PRTFDC1: variants seen among roughly 807,000 people sequenced by gnomAD.
PRTFDC1 encodes phosphoribosyltransferase domain-containing protein 1.
Under a neutral mutation model 34.6 loss-of-function variants are expected in PRTFDC1, and 38 were observed. The observed-to-expected ratio is 1.10, with a 90% confidence interval of 0.85 to 1.44. PRTFDC1 has a LOEUF of 1.44. PRTFDC1 is among the 40% of genes most tolerant of loss of function. PRTFDC1 has a pLI of 0.00. For missense variants in PRTFDC1, 270 were observed against 283.0 expected, an observed-to-expected ratio of 0.95 and a Z score of 0.33; for synonymous variants, 93 against 98.1, an observed-to-expected ratio of 0.95 and a Z score of 0.31.
intron 3 of PRTFDC1, among the ~76,000 whole-genome samples, chr10:24,920,346 G>A (rs1241274410): frequency 6.6e-6 from 1 of 151,884 alleles, no homozygotes; most frequent in Admixed American, 6.6e-5. Context: ...GGAATACTAT[G>A]CAGCCATCAA....
intron 3 of PRTFDC1, among the ~76,000 whole-genome samples, chr10:24,875,243 A>T (rs866311596): frequency 6.6e-6 from 1 of 152,320 alleles, no homozygotes; most frequent in East Asian, 1.9e-4. Context: ...CACTTCAGAT[A>T]TTTATCATTT....
chr10:24,951,992 A>G (rs1373022130), intron 1 of PRTFDC1, among the ~76,000 whole-genome samples: 1 of 152,234 alleles, frequency 6.6e-6, no homozygotes, highest in Non-Finnish European at 1.5e-5. Context: ...GCTCCTGCAG[A>G]GGCCTCCACT....
intron 3 of PRTFDC1, among the ~76,000 whole-genome samples, chr10:24,884,733 A>G (rs1016627599): frequency 2.0e-5 from 3 of 152,120 alleles, no homozygotes; most frequent in Admixed American, 6.5e-5. Context: ...AGTGGTGGAG[A>G]AAAGAACAGC....
At chr10:24,947,698 C>T (rs574999771) in intron 1 of PRTFDC1, among the ~76,000 whole-genome samples, 3 of 152,106 alleles carry the variant, frequency 2.0e-5, no homozygotes, top group Non-Finnish European at 4.4e-5. Context: ...ATACAAGAAG[C>T]TAATCTCTGC....
At chr10:24,883,928 G>A (rs143509837) in intron 3 of PRTFDC1, among the ~76,000 whole-genome samples, 1,811 of 149,176 alleles carry the variant, frequency 0.012, 22 homozygotes, top group Middle Eastern at 0.034. Flanking sequence ...GGGTTCAAGC[G>A]ATTCTCAGCC....
At chr10:24,921,644 G>C (rs1480270480) in intron 3 of PRTFDC1, among the ~76,000 whole-genome samples, 1 of 148,604 alleles carries the variant, frequency 6.7e-6, no homozygotes, top group African/African-American at 2.5e-5. Context: ...CTCACCAAGA[G>C]TCATCCTGTT....
At chr10:24,888,814 A>G (rs1387002457) in intron 3 of PRTFDC1, among the ~76,000 whole-genome samples, 44 of 152,196 alleles carry the variant, frequency 2.9e-4, no homozygotes, top group Admixed American at 2.6e-3. Context: ...TGGTATCTCT[A>G]CATAACTCAA....
At chr10:24,860,555 G>A (rs1847663045) in intron 4 of PRTFDC1, among the ~76,000 whole-genome samples, 1 of 152,022 alleles carries the variant, frequency 6.6e-6, no homozygotes, top group South Asian at 2.1e-4. Context: ...ATAACTTCTT[G>A]GAAGTGTTTT....
At chr10:24,852,810 C>G (rs1466009519) in intron 7 of PRTFDC1, among the ~76,000 whole-genome samples, 1 of 152,038 alleles carries the variant, frequency 6.6e-6, no homozygotes, top group East Asian at 1.9e-4. Flanking sequence ...GGCTTATAGC[C>G]TGGGCAAAGT....
intron 4 of PRTFDC1, 78 bp from the exon 5 acceptor site, chr10:24,858,487 A>G: frequency 1.4e-6 from 2 of 1,476,442 alleles, no homozygotes; most frequent in Non-Finnish European, 1.9e-6. Flanking sequence ...TTTTGCTTAT[A>G]GTTAGAATTT....
At chr10:24,949,317 C>T (rs1369643322) in intron 1 of PRTFDC1, among the ~76,000 whole-genome samples, 2 of 152,236 alleles carry the variant, frequency 1.3e-5, no homozygotes, top group Non-Finnish European at 2.9e-5. Flanking sequence ...CTCCTGGGCT[C>T]AAGTGATTTG....
chr10:24,917,844 G>T (rs1588613310), intron 3 of PRTFDC1, among the ~76,000 whole-genome samples: 3 of 152,160 alleles, frequency 2.0e-5, no homozygotes, highest in Non-Finnish European at 4.4e-5. Flanking sequence ...GTGCCTCATT[G>T]GTGGGGGCTA....
chr10:24,948,414 C>G (rs867391505), intron 1 of PRTFDC1, among the ~76,000 whole-genome samples: 4 of 152,276 alleles, frequency 2.6e-5, no homozygotes, highest in Middle Eastern at 3.4e-3. Context: ...TGTATTAGCT[C>G]CAGATCAAGT....
intron 6 of PRTFDC1, among the ~76,000 whole-genome samples, chr10:24,855,983 A>G (rs1847566784): frequency 1.3e-5 from 2 of 151,260 alleles, no homozygotes; most frequent in African/African-American, 4.9e-5. Context: ...GCATGGTGGT[A>G]CGTGTCTGCA....
intron 2 of PRTFDC1, among the ~76,000 whole-genome samples, chr10:24,941,420 G>A (rs974540424): frequency 6.6e-6 from 1 of 151,298 alleles, no homozygotes; most frequent in Non-Finnish European, 1.5e-5. Flanking sequence ...ATTAGCCCAG[G>A]TTAGTCTCAA....
chr10:24,908,883 A>C, intron 3 of PRTFDC1: 1 of 786,222 alleles, frequency 1.3e-6, no homozygotes, highest in East Asian at 2.8e-5. Context: ...TGGGGTGAGA[A>C]TGCAGGATGG....
At chr10:24,906,279 A>G (rs1426541700) in intron 3 of PRTFDC1, among the ~76,000 whole-genome samples, 2 of 152,102 alleles carry the variant, frequency 1.3e-5, no homozygotes, top group African/African-American at 2.4e-5. Context: ...CAGCTGAAAA[A>G]GCCTCTGCCT....
At chr10:24,915,701 T>A (rs962115294) in intron 3 of PRTFDC1, among the ~76,000 whole-genome samples, 8 of 152,366 alleles carry the variant, frequency 5.3e-5, no homozygotes, top group Admixed American at 5.2e-4. Context: ...ATTCAGTGGC[T>A]GATTAGCCCT....
intron 3 of PRTFDC1, among the ~76,000 whole-genome samples, chr10:24,904,890 G>A (rs1334182791): frequency 6.6e-6 from 1 of 151,998 alleles, no homozygotes; most frequent in Non-Finnish European, 1.5e-5. Context: ...TTATGCCAAC[G>A]ACTCCTCCTT....
Sources: allele counts gnomAD v4.1 joint callset (sites outside exome capture counted in the v4.1 genomes callset), GRCh38; gene constraint gnomAD v4.1.1; transcripts MANE v1.5; gene names NCBI Gene and HGNC (gene_info 2026-07-23, HGNC 2026-07-21).